The following NPSR1 variants were observed in gnomAD, a reference collection of about 807,000 sequenced individuals.
The protein encoded by NPSR1 is neuropeptide S receptor 1.
A neutral mutation model predicts 46.9 loss-of-function variants in NPSR1; 48 were observed. That is an observed-to-expected ratio of 1.02 (90% CI 0.81 to 1.30). The LOEUF is 1.30. NPSR1 is among the 50% of genes most tolerant of loss of function. NPSR1 has a pLI of 0.00. For missense variants in NPSR1, 450 were observed against 449.5 expected (o/e 1.00, Z -0.01); for synonymous variants, 176 against 168.1 (o/e 1.05, Z -0.36).
At chr7:34,820,743 G>A (rs1370348354) in intron 4 of NPSR1, among the ~76,000 whole-genome samples, 1 of 152,138 alleles carries the variant, frequency 6.6e-6, no homozygotes, top group East Asian at 1.9e-4. Context: ...GGTGGGCGAA[G>A]CTTCCAGATT....
At chr7:34,809,699 G>A (rs188561554) in intron 3 of NPSR1, among the ~76,000 whole-genome samples, 60 of 152,098 alleles carry the variant, frequency 3.9e-4, no homozygotes, top group Admixed American at 3.5e-3. Context: ...TCCTGACCTC[G>A]TGATCCACCC....
Position 34,768,099 on chromosome 7 carries a change from T to C in NPSR1, c.281-10363T>C, listed in dbSNP as rs1786515733. On this transcript the variant is annotated intron_variant, in intron 2 of 8. Transcript: ENST00000360581. ...CTATATGTACTGAGACATCACCATGTAGCCCCATGAATATGTACACTTATT... is the reference window on the plus strand; with the variant it reads ...CTATATGTACTGAGACATCACCATGCAGCCCCATGAATATGTACACTTATT... 4.6e-5 allele frequency among the ~76,000 whole-genome samples: 7 copies of C among 152,288 alleles called. No homozygotes were observed. In the South Asian group the frequency reaches 1.4e-3, roughly 32 times the overall value.
chr7:34,845,728 T>C (rs1056602610), intron 7 of NPSR1: 4 of 373,636 alleles, frequency 1.1e-5, no homozygotes, highest in African/African-American at 2.1e-5. Flanking sequence ...ATGAGGGCAA[T>C]GACTTTGGCT....
In NPSR1 at chr7:34,827,439, C is replaced by T; in HGVS notation, c.517C>T (p.Leu173=). The part of the protein sequence containing the change: ...ARVLIVIAWS[L]SFLFSIPTLI... Reference sequence around the variant, plus strand: ...GGTCCTCATTGTGATCGCCTGGAGCCTGTCTTTTCTGTTCTCCATTCCCAC... The same window carrying T: ...GGTCCTCATTGTGATCGCCTGGAGCTTGTCTTTTCTGTTCTCCATTCCCAC... Residue 173 remains leucine, a synonymous_variant, in exon 5 of 9, where the codon CTG becomes TTG. Coordinates refer to ENST00000360581, the MANE Select transcript of NPSR1 (RefSeq NM_207172.2). 1 of 1,614,118 alleles carries T rather than the reference C, an allele frequency of 6.2e-7. No individual in the cohort carries two copies. Among genetic ancestry groups the T allele is most frequent in the Non-Finnish European group, 8.5e-7 (1 of 1,180,006 alleles).
chr7:34,832,147 T>C (rs1248048110), intron 5 of NPSR1, among the ~76,000 whole-genome samples: 1 of 152,212 alleles, frequency 6.6e-6, no homozygotes, highest in African/African-American at 2.4e-5. Context: ...GCTGAAAACC[T>C]GGATGGAGAG....
At chr7:34,771,502 A>G (rs544123645) in intron 2 of NPSR1, among the ~76,000 whole-genome samples, 3 of 152,158 alleles carry the variant, frequency 2.0e-5, no homozygotes, top group Non-Finnish European at 4.4e-5. Context: ...AAGGAGCAAA[A>G]GCAACTTCTG....
intron 2 of NPSR1, among the ~76,000 whole-genome samples, chr7:34,699,305 C>T (rs1224006962): frequency 2.6e-5 from 4 of 152,120 alleles, no homozygotes; most frequent in African/African-American, 9.7e-5. Context: ...CATAGTGAGA[C>T]CCTGTCTCTA....
intron 5 of NPSR1, among the ~76,000 whole-genome samples, chr7:34,833,658 T>C (rs1240449005): frequency 6.6e-6 from 1 of 152,212 alleles, no homozygotes; most frequent in East Asian, 1.9e-4. Flanking sequence ...ACAGTTTCTG[T>C]GGGTCAAGAA....
At chr7:34,758,350 A>G (rs892635846) in intron 2 of NPSR1, 1 of 152,188 alleles carries the variant, frequency 6.6e-6, no homozygotes, top group Non-Finnish European at 1.5e-5. Flanking sequence ...TCTCTGAGCT[A>G]ATAATTAACA....
Position 34,679,498 on chromosome 7 carries a change from ATC to A in NPSR1, c.148-5053_148-5052del, listed in dbSNP as rs1792503918. 1.4e-4 allele frequency among the ~76,000 whole-genome samples: 13 copies of A among 93,026 alleles called. No homozygotes were observed. In the Admixed American group the frequency reaches 1.6e-3, roughly 12 times the overall value. 61.0% of individuals were successfully genotyped at this position (93,026 alleles called of 152,430 possible). A position where few individuals can be genotyped will look rare whatever the true frequency, so the allele number is the denominator to read the frequency against. On this transcript the variant is annotated intron_variant, in intron 1 of 8. Transcript: ENST00000360581. ...AAAGAACAGTAAGCCCTCACTTATC[ATC>A]CGAGTGTTTTGATAAGTTCTCGGAA...
intron 8 of NPSR1, among the ~76,000 whole-genome samples, chr7:34,858,864 G>T (rs569804618): frequency 4.6e-5 from 7 of 151,252 alleles, no homozygotes; most frequent in African/African-American, 7.4e-5. Context: ...ATGAGATCTG[G>T]GGGGGGGACA....
chr7:34,804,325 G>A (rs757578102), intron 3 of NPSR1, among the ~76,000 whole-genome samples: 3 of 152,012 alleles, frequency 2.0e-5, no homozygotes, highest in African/African-American at 4.8e-5. Context: ...ATTATAGTCC[G>A]TGGCCAAGTG....
At chr7:34,739,708 G>T (rs1255522977) in intron 2 of NPSR1, among the ~76,000 whole-genome samples, 1 of 152,182 alleles carries the variant, frequency 6.6e-6, no homozygotes, top group Admixed American at 6.5e-5. Context: ...AGGTCTACCA[G>T]GCTCCAGGCT....
rs529427463 is a variant in NPSR1, at chr7:34,792,599, ATG to A, written c.384+14042_384+14043del. ...TGTGTGTGTATATATATACGTATAT[ATG>A]TGTGTGTATATATGTGTATATGTGT... On this transcript the variant is annotated intron_variant, in intron 3 of 8. Coordinates refer to ENST00000360581, the MANE Select transcript of NPSR1 (RefSeq NM_207172.2). Among the ~76,000 whole-genome samples the A allele has an allele frequency of 3.3e-3, 437 of 133,764 alleles. 1 individual carries two copies. The highest frequency in any genetic ancestry group is 0.011 in the Middle Eastern group (3 of 264). 87.8% of individuals were successfully genotyped at this position (133,764 alleles called of 152,430 possible). A position where few individuals can be genotyped will look rare whatever the true frequency, so the allele number is the denominator to read the frequency against.
Position 34,723,092 on chromosome 7 carries a change from C to A in NPSR1, c.280+38408C>A, listed in dbSNP as rs527738451. On this transcript the variant is annotated intron_variant, in intron 2 of 8. Coordinates refer to ENST00000360581, the MANE Select transcript of NPSR1 (RefSeq NM_207172.2). ...AAACTGTGAACAAATTAAGCCAGAG[C>A]AAATCCGTCCATCCTGGCTGCAGCA... Among the ~76,000 whole-genome samples, 153 of 152,232 alleles carry A rather than the reference C, an allele frequency of 1.0e-3. 1 individual carries two copies. The highest frequency in any genetic ancestry group is 3.5e-3 in the African/African-American group (145 of 41,554).
intron 8 of NPSR1, among the ~76,000 whole-genome samples, chr7:34,864,874 C>T (rs1791273618): frequency 6.6e-6 from 1 of 151,894 alleles, no homozygotes; most frequent in Non-Finnish European, 1.5e-5. Context: ...CTACTGTTCA[C>T]CCATGCCTGT....
chr7:34,827,443 C>A lies in NPSR1; in HGVS notation c.521C>A (p.Ser174Tyr). The change falls in exon 5 of 9, where the codon TCT becomes TAT. Residue 174 changes from serine (S) to tyrosine (Y), a missense_variant. Ser to Tyr is a moderately radical substitution (Grantham distance 144, BLOSUM62 -2). Transcript: ENST00000360581. ...RVLIVIAWSL[S>Y]FLFSIPTLII... ...CTCATTGTGATCGCCTGGAGCCTGT[C>A]TTTTCTGTTCTCCATTCCCACCCTG... 2 of 1,614,114 alleles carry A rather than the reference C, an allele frequency of 1.2e-6. No individual in the cohort carries two copies. The highest frequency in any genetic ancestry group is 1.7e-6 in the Non-Finnish European group (2 of 1,180,014).
rs551222843 is a variant in NPSR1 at position 34,767,067 on chromosome 7, C to A, written c.281-11395C>A. ...GACAGTTGTAGAACTGTTCTCTATC[C>A]CGACTGTGGTGTTAGTGACATGACC... is the stretch of plus-strand genomic sequence containing the variant. On this transcript the variant is annotated intron_variant, in intron 2 of 8. Transcript: ENST00000360581. Among the ~76,000 whole-genome samples the A allele has an allele frequency of 3.8e-4, 58 of 152,138 alleles. 1 individual carries two copies. Among genetic ancestry groups the A allele is most frequent in the South Asian group, 1.9e-3 (9 of 4,814 alleles).
downstream of NPSR1, among the ~76,000 whole-genome samples, chr7:34,850,562 G>T (rs1790905516): frequency 6.6e-6 from 1 of 152,062 alleles, no homozygotes; most frequent in African/African-American, 2.4e-5. Context: ...CACCACGCCT[G>T]GCTAATTTTT....
Sources: allele counts gnomAD v4.1 joint callset (sites outside exome capture counted in the v4.1 genomes callset), GRCh38; gene constraint gnomAD v4.1.1; transcripts MANE v1.5; gene names NCBI Gene and HGNC (gene_info 2026-07-23, HGNC 2026-07-21).